The following EXOC7 variants were observed in gnomAD, a reference collection of about 807,000 sequenced individuals.
EXOC7 encodes the protein exocyst complex component Exo70.
Under a neutral mutation model 87.6 loss-of-function variants are expected in EXOC7, and 51 were observed. That is an observed-to-expected ratio of 0.58 (90% CI 0.46 to 0.73). The LOEUF is 0.73. EXOC7 is among the 30% of genes least tolerant of loss of function. The pLI, the probability that EXOC7 is intolerant of heterozygous loss-of-function variation, is 0.00. For missense variants in EXOC7, 744 were observed against 888.4 expected (o/e 0.84, Z 2.07); for synonymous variants, 327 against 357.1 (o/e 0.92, Z 0.95).
At chr17:76,100,757 G>T in intron 4 of EXOC7, among the ~76,000 whole-genome samples, 1 of 152,192 alleles carries the variant, frequency 6.6e-6, no homozygotes, top group East Asian at 1.9e-4. Context: ...CAAGGCGGGG[G>T]ATCATCTGAG....
intron 6 of EXOC7, 133 bp from the exon 7 acceptor site, chr17:76,091,368 C>T: frequency 1.5e-6 from 1 of 666,518 alleles, no homozygotes; most frequent in Non-Finnish European, 2.7e-6. Context: ...TTCCCTGAGA[C>T]CACCAGAGAC....
intron 12 of EXOC7, chr17:76,086,821 G>A (rs1187895290): frequency 9.0e-6 from 14 of 1,547,882 alleles, no homozygotes; most frequent in African/African-American, 4.1e-5. Flanking sequence ...GCTTCAGAGG[G>A]ACAGGAGGGG....
rs567493487 is a variant in EXOC7, at chr17:76,082,964, T to A, written c.*684A>T. The stretch of plus-strand genomic sequence containing the variant: ...TGCTCCTTCTGCAACCACGACTGCC[T>A]GGCCCTGGGCCAAGAGGCACTGAGG... On this transcript the variant is annotated 3_prime_UTR_variant, in exon 19 of 19. Transcript: ENST00000589210. 8.2e-6 allele frequency: 2 copies of A among 243,220 alleles called. No individual in the cohort carries two copies. The highest frequency in any genetic ancestry group is 1.6e-5 in the Non-Finnish European group (2 of 126,808). The allele number at this position is 243,220 out of a possible 1,614,324, so 15.1% of individuals were successfully genotyped here.
chr17:76,092,291 GTTTTTTTTTTTTT>G (rs71363610), intron 6 of EXOC7: 1 of 101,420 alleles, frequency 9.9e-6, no homozygotes, highest in Non-Finnish European at 1.9e-5. Flanking sequence ...CAATTAGCTT[GTTTTTTTTTTTTT>G]TTTTTTTTTT....
chr17:76,096,165 G>A (rs2457692), intron 5 of EXOC7, among the ~76,000 whole-genome samples: 51,719 of 152,056 alleles, frequency 0.34, 10,513 homozygotes, highest in South Asian at 0.64. Flanking sequence ...AGGCAAGCCC[G>A]CGCTGACAAC....
chr17:76,096,212 A>C (rs2067741283), intron 5 of EXOC7, among the ~76,000 whole-genome samples: 1 of 152,164 alleles, frequency 6.6e-6, no homozygotes, highest in African/African-American at 2.4e-5. Flanking sequence ...GAAGAGTTGG[A>C]GGGCTAAAAA....
chr17:76,089,158 C>T lies in EXOC7; in HGVS notation c.1047+17G>A. 6.2e-7 allele frequency: 1 copy of T among 1,612,010 alleles called. No individual in the cohort carries two copies. The highest frequency in any genetic ancestry group is 8.5e-7 in the Non-Finnish European group (1 of 1,179,788). ...CTTGCTGGGGCTGGCTGCAGAGCCCCCGGGGCGGGGCGGGACCTGTATCAG... is the reference window on the plus strand; with the variant it reads ...CTTGCTGGGGCTGGCTGCAGAGCCCTCGGGGCGGGGCGGGACCTGTATCAG... On this transcript the variant is annotated intron_variant, in intron 8 of 18. Coordinates refer to ENST00000589210, the MANE Select transcript of EXOC7 (RefSeq NM_001013839.4).
intron 11 of EXOC7, 94 bp from the exon 12 acceptor site, chr17:76,087,814 G>A: frequency 7.3e-7 from 1 of 1,368,812 alleles, no homozygotes; most frequent in Non-Finnish European, 1.0e-6. Context: ...GCCAGCCCAG[G>A]GCTGGGATCC....
In EXOC7 at chr17:76,082,181, C is replaced by T; in HGVS notation, c.*1467G>A. The T allele has an allele frequency of 8.8e-7, 1 of 1,139,782 alleles. No individual in the cohort carries two copies. Among genetic ancestry groups the T allele is most frequent in the South Asian group, 1.5e-5 (1 of 65,168 alleles). 70.6% of individuals were successfully genotyped at this position (1,139,782 alleles called of 1,614,324 possible). ...CTGGCTCTCCTGTCCCTGGTCTCCA[C>T]CATGTCCTCCTCCCTTAGAAGAAAC... On this transcript the variant is annotated 3_prime_UTR_variant, in exon 19 of 19. Transcript: ENST00000589210.
Position 76,085,295 on chromosome 17 carries a change from G to A in EXOC7, c.1712+19C>T. On this transcript the variant is annotated intron_variant, in intron 15 of 18. Coordinates refer to ENST00000589210, the MANE Select transcript of EXOC7 (RefSeq NM_001013839.4). ...GGCACAGGGGCCCATGCAGGAGCAG[G>A]GCGGGCCCAGCCTCTCACCTGCGCT... 1.3e-6 allele frequency: 2 copies of A among 1,575,136 alleles called. No individual in the cohort carries two copies. The highest frequency in any genetic ancestry group is 1.7e-6 in the Non-Finnish European group (2 of 1,160,268).
At chr17:76,085,623 T>TGCACAGCC in intron 14 of EXOC7, 54 bp downstream of exon 14, 1 of 1,612,974 alleles carries the variant, frequency 6.2e-7, no homozygotes, top group Non-Finnish European at 8.5e-7. Context: ...CTGGCACAGC[T>TGCACAGCC]GCACAGCCGA....
chr17:76,101,424 A>C, intron 3 of EXOC7, 48 bp from the exon 4 acceptor site: 5 of 1,600,662 alleles, frequency 3.1e-6, no homozygotes, highest in Non-Finnish European at 4.3e-6. Context: ...GGGATGAAGA[A>C]GGACTAAGGA....
At chr17:76,090,205 C>G in intron 7 of EXOC7, 1 of 1,075,502 alleles carries the variant, frequency 9.3e-7, no homozygotes, top group South Asian at 1.6e-5. Context: ...GAGAGAGAGG[C>G]GCATAGGCCT....
In EXOC7 at chr17:76,097,835, G is replaced by T. The variant is rs769602819; in HGVS notation, c.601C>A (p.Arg201Ser). 2 of 1,613,116 alleles carry T rather than the reference G, an allele frequency of 1.2e-6. No homozygotes were observed. Among genetic ancestry groups the T allele is most frequent in the East Asian group, 2.2e-5 (1 of 44,844 alleles). Residue 201 changes from arginine (R) to serine (S), a missense_variant, in exon 5 of 19, where the codon CGC becomes AGC. Around this residue, in one of 3 missense-constraint regions of EXOC7, gnomAD observed 512 missense variants for 573.0 expected, o/e 0.89. Transcript: ENST00000589210. Reference protein sequence around the residue: ...LPESVLQDVIRISRWLVEYGR... With the variant: ...LPESVLQDVISISRWLVEYGR... Reference sequence around the variant, plus strand: ...TATTCCACCAGCCAGCGGGAGATGCGAATGACATCCTGGAGCACGCTCTCG... The same window carrying T: ...TATTCCACCAGCCAGCGGGAGATGCTAATGACATCCTGGAGCACGCTCTCG...
intron 12 of EXOC7, 108 bp downstream of exon 12, chr17:76,087,546 C>A: frequency 8.8e-7 from 1 of 1,134,064 alleles, no homozygotes; most frequent in South Asian, 1.4e-5. Flanking sequence ...CACACCTCAA[C>A]CCCTCCACAG....
In EXOC7 at chr17:76,083,408, A is replaced by G; in HGVS notation, c.*240T>C. ...TTTCAGAAGCCATCAGGGTCATAAAAGCCAAGGTGTGGAGGGACCCCAGGC... is the reference window on the plus strand; with the variant it reads ...TTTCAGAAGCCATCAGGGTCATAAAGGCCAAGGTGTGGAGGGACCCCAGGC... On this transcript the variant is annotated 3_prime_UTR_variant, in exon 19 of 19. Coordinates refer to ENST00000589210, the MANE Select transcript of EXOC7 (RefSeq NM_001013839.4). The G allele has an allele frequency of 1.9e-6, 1 of 532,486 alleles. No homozygotes were observed. The highest frequency in any genetic ancestry group is 3.4e-6 in the Non-Finnish European group (1 of 294,784). The allele number at this position is 532,486 out of a possible 1,614,324, so 33.0% of individuals were successfully genotyped here.
At position 76,082,047 on chromosome 17, in the gene EXOC7, A is replaced by C; in HGVS notation, c.*1601T>G. ...GGCAACCCAGGGCCTCATCCTGCTG[A>C]AGGTGGGCAGGGGCTGGGGGGTAAG... On this transcript the variant is annotated 3_prime_UTR_variant, in exon 19 of 19. Coordinates refer to ENST00000589210, the MANE Select transcript of EXOC7 (RefSeq NM_001013839.4). The C allele has an allele frequency of 6.2e-7, 1 of 1,605,660 alleles. No individual in the cohort carries two copies. Among genetic ancestry groups the C allele is most frequent in the South Asian group, 1.1e-5 (1 of 90,232 alleles).
Position 76,082,955 on chromosome 17 carries a change from A to G in EXOC7, c.*693T>C, listed in dbSNP as rs1443873390. 2 of 251,976 alleles carry G rather than the reference A, an allele frequency of 7.9e-6. No individual in the cohort carries two copies. The highest frequency in any genetic ancestry group is 1.5e-5 in the Non-Finnish European group (2 of 132,392). 15.6% of individuals were successfully genotyped at this position (251,976 alleles called of 1,614,324 possible). On this transcript the variant is annotated 3_prime_UTR_variant, in exon 19 of 19. Transcript: ENST00000589210. ...CAGCCTAATTGCTCCTTCTGCAACC[A>G]CGACTGCCTGGCCCTGGGCCAAGAG...
chr17:76,102,417 G>GACACACACACACACAC (rs3073225), intron 2 of EXOC7, among the ~76,000 whole-genome samples: 1 of 144,128 alleles, frequency 6.9e-6, no homozygotes, highest in African/African-American at 2.5e-5. Flanking sequence ...TACACACACA[G>GACACACACACACACAC]ACACACACAC....
Sources: gnomAD v4.1 joint callset for allele counts (sites outside exome capture counted in the v4.1 genomes callset) on GRCh38, gnomAD v4.1.1 for gene constraint, gnomAD v4.1.1 regional missense constraint, MANE v1.5 for transcripts, NCBI Gene and HGNC (gene_info 2026-07-23, HGNC 2026-07-21) for gene names.